Variants in PTPRM observed in about 807,000 individuals in gnomAD.
PTPRM encodes the protein receptor-type tyrosine-protein phosphatase mu.
Under a neutral mutation model 186.7 loss-of-function variants are expected in PTPRM, and 47 were observed. That is an observed-to-expected ratio of 0.25 (90% CI 0.20 to 0.32). The LOEUF is 0.32. PTPRM is among the 10% of genes least tolerant of loss of function. The pLI is 1.00. For synonymous variants in PTPRM, 668 were observed against 674.9 expected (o/e 0.99, Z 0.16); for missense variants, 1,494 against 1,865.0 (o/e 0.80, Z 3.66).
intron 1 of PTPRM, chr18:7,755,051 C>G (rs1012647193): frequency 3.3e-5 from 5 of 152,226 alleles, no homozygotes; most frequent in Admixed American, 3.3e-4. Flanking sequence ...CCATTTATCA[C>G]TGACCCTTCG....
chr18:8,402,237 T>C (rs2095876086), intron 32 of PTPRM, among the ~76,000 whole-genome samples: 1 of 152,224 alleles, frequency 6.6e-6, no homozygotes, highest in Non-Finnish European at 1.5e-5. Flanking sequence ...ATTTGTGGTC[T>C]TCCTTCTCTT....
At chr18:7,665,247 A>G (rs1445187172) in intron 1 of PTPRM, among the ~76,000 whole-genome samples, 4 of 152,130 alleles carry the variant, frequency 2.6e-5, no homozygotes, top group South Asian at 2.1e-4. Context: ...CAGCCAAGCA[A>G]TTTTCCTTAT....
intron 1 of PTPRM, among the ~76,000 whole-genome samples, chr18:7,710,501 A>G (rs1034342647): frequency 2.0e-5 from 3 of 152,192 alleles, no homozygotes; most frequent in Non-Finnish European, 4.4e-5. Context: ...CAAGATGCCC[A>G]CTTTCGCCAC....
intron 5 of PTPRM, among the ~76,000 whole-genome samples, chr18:7,943,299 C>T (rs1293026707): frequency 1.3e-5 from 2 of 152,126 alleles, no homozygotes; most frequent in Non-Finnish European, 2.9e-5. Flanking sequence ...CTCTTCATGC[C>T]TTCCTGGTCT....
chr18:7,847,365 C>T (rs2046648745), intron 2 of PTPRM, among the ~76,000 whole-genome samples: 1 of 151,910 alleles, frequency 6.6e-6, no homozygotes, highest in Admixed American at 6.6e-5. Flanking sequence ...CAGGTTTTAA[C>T]CATGTTGCCC....
At chr18:8,289,603 CACACATATATATAT>C (rs1414475068) in intron 19 of PTPRM, among the ~76,000 whole-genome samples, 3,919 of 104,660 alleles carry the variant, frequency 0.037, 442 homozygotes, top group African/African-American at 0.13. Flanking sequence ...TATATATATA[CACACATATATATAT>C]ACACATATAT....
intron 5 of PTPRM, among the ~76,000 whole-genome samples, chr18:7,937,060 G>A (rs1047355383): frequency 6.6e-6 from 1 of 152,212 alleles, no homozygotes; most frequent in Non-Finnish European, 1.5e-5. Context: ...CTGTCATTCA[G>A]TAAAGCTCCT....
chr18:8,237,236 T>G (rs1342704038), intron 14 of PTPRM, among the ~76,000 whole-genome samples: 1 of 152,180 alleles, frequency 6.6e-6, no homozygotes, highest in Non-Finnish European at 1.5e-5. Context: ...TTGCTGTTAT[T>G]ATTTTGAACA....
At chr18:7,689,639 G>A (rs2039690271) in intron 1 of PTPRM, among the ~76,000 whole-genome samples, 1 of 152,088 alleles carries the variant, frequency 6.6e-6, no homozygotes, top group Admixed American at 6.5e-5. Context: ...GTAATTAATT[G>A]AATGAGCAGG....
intron 1 of PTPRM, among the ~76,000 whole-genome samples, chr18:7,627,081 G>A (rs556244818): frequency 1.3e-5 from 2 of 152,088 alleles, no homozygotes; most frequent in South Asian, 2.1e-4. Flanking sequence ...TCCTCTTCTC[G>A]AGGTTCTGGG....
intron 1 of PTPRM, among the ~76,000 whole-genome samples, chr18:7,769,975 T>C (rs1049374015): frequency 6.6e-6 from 1 of 152,168 alleles, no homozygotes; most frequent in Non-Finnish European, 1.5e-5. Context: ...ATCTTGTATA[T>C]GACTTGGGTT....
chr18:8,322,204 C>CAGAT (rs2095349896), intron 22 of PTPRM, among the ~76,000 whole-genome samples: 1 of 152,180 alleles, frequency 6.6e-6, no homozygotes, highest in Non-Finnish European at 1.5e-5. Flanking sequence ...TAGTAATGCA[C>CAGAT]AGATGTTCAT....
intron 1 of PTPRM, among the ~76,000 whole-genome samples, chr18:7,755,835 A>G (rs535392111): frequency 2.0e-5 from 3 of 152,162 alleles, no homozygotes; most frequent in Admixed American, 6.5e-5. Context: ...TTTGAAGACT[A>G]TGGACTTTTA....
chr18:8,277,580 G>A (rs1340791715), intron 19 of PTPRM, among the ~76,000 whole-genome samples: 2 of 152,144 alleles, frequency 1.3e-5, no homozygotes, highest in Non-Finnish European at 2.9e-5. Flanking sequence ...CTTTGTCAAT[G>A]GTTGATATAT....
chr18:7,631,678 G>A (rs2038195059), intron 1 of PTPRM, among the ~76,000 whole-genome samples: 1 of 152,076 alleles, frequency 6.6e-6, no homozygotes, highest in African/African-American at 2.4e-5. Flanking sequence ...GCTATTGTTA[G>A]TGTTGGTATG....
chr18:8,147,808 G>A (rs896758068), intron 14 of PTPRM, among the ~76,000 whole-genome samples: 3 of 152,046 alleles, frequency 2.0e-5, no homozygotes, highest in Admixed American at 2.0e-4. Flanking sequence ...TTATTATTTC[G>A]GGTTGTGTTC....
intron 1 of PTPRM, among the ~76,000 whole-genome samples, chr18:7,690,105 C>T (rs1238577295): frequency 1.3e-5 from 2 of 152,178 alleles, no homozygotes; most frequent in Non-Finnish European, 2.9e-5. Flanking sequence ...CAATCTCATT[C>T]AGCAGCAAAT....
At chr18:8,254,243 A>G (rs1412154659) in intron 19 of PTPRM, among the ~76,000 whole-genome samples, 2 of 152,220 alleles carry the variant, frequency 1.3e-5, no homozygotes. Flanking sequence ...GAATAATGAT[A>G]TTCTCCGAAT....
intron 1 of PTPRM, among the ~76,000 whole-genome samples, chr18:7,639,064 A>G (rs16952278): frequency 0.036 from 5,498 of 151,954 alleles, 364 homozygotes; most frequent in African/African-American, 0.13. Flanking sequence ...TCTCATTTCC[A>G]TTTTTCAGCA....
Sources: gnomAD v4.1 joint callset for allele counts (sites outside exome capture counted in the v4.1 genomes callset) on GRCh38, gnomAD v4.1.1 for gene constraint, MANE v1.5 for transcripts, NCBI Gene and HGNC (gene_info 2026-07-23, HGNC 2026-07-21) for gene names.